Variants in TTC13 observed in about 807,000 individuals in gnomAD.
TTC13 encodes tetratricopeptide repeat domain 13, also known as tetratricopeptide repeat protein 13.
In TTC13, 62 loss-of-function variants were observed where a neutral mutation model predicts 120.0. That is an observed-to-expected ratio of 0.52 (90% confidence interval 0.42 to 0.64). The LOEUF is 0.64. Ranked by LOEUF, TTC13 falls within the 30% of genes least tolerant of loss-of-function variation. TTC13 has a pLI of 0.00. For missense variants in TTC13, 824 were observed against 1,050.2 expected, an observed-to-expected ratio of 0.78 and a Z score of 2.98; for synonymous variants, 384 against 393.5, an observed-to-expected ratio of 0.98 and a Z score of 0.28.
chr1:230,919,880 T>A (rs1192084372), intron 17 of TTC13, among the ~76,000 whole-genome samples: 4 of 152,204 alleles, frequency 2.6e-5, no homozygotes, highest in Admixed American at 6.5e-5. Context: ...CAGTAGCCAC[T>A]CTCTGCTGAG....
At chr1:230,977,045 A>C (rs2103024688) in intron 1 of TTC13, among the ~76,000 whole-genome samples, 1 of 152,294 alleles carries the variant, frequency 6.6e-6, no homozygotes, top group Non-Finnish European at 1.5e-5. Flanking sequence ...GTTAGGACAA[A>C]GGCTTTGTCT....
At chr1:230,956,150 T>C (rs1210097980) in intron 3 of TTC13, among the ~76,000 whole-genome samples, 1 of 152,254 alleles carries the variant, frequency 6.6e-6, no homozygotes, top group Non-Finnish European at 1.5e-5. Context: ...GTGGTTAAAC[T>C]AGCTGTCCAA....
At chr1:230,958,196 C>T in intron 3 of TTC13, 28 bp downstream of exon 3, 1 of 1,604,846 alleles carries the variant, frequency 6.2e-7, no homozygotes, top group Admixed American at 1.7e-5. Context: ...GCAAATATTA[C>T]AGGAATATTA....
At chr1:230,977,971 G>C (rs1257860603) in intron 1 of TTC13, among the ~76,000 whole-genome samples, 2 of 152,262 alleles carry the variant, frequency 1.3e-5, no homozygotes, top group African/African-American at 4.8e-5. Flanking sequence ...ATCGCAGGTT[G>C]ATCTTAAACA....
At chr1:230,917,242 A>T (rs2102767097) in intron 17 of TTC13, among the ~76,000 whole-genome samples, 1 of 152,352 alleles carries the variant, frequency 6.6e-6, no homozygotes, top group East Asian at 1.9e-4. Flanking sequence ...GCCAATTCTC[A>T]TCTAATCCTC....
In TTC13 at chr1:230,923,891, C is replaced by T; in HGVS notation, c.1764G>A (p.Met588Ile). Residue 588 changes from methionine to isoleucine, a missense_variant, in exon 15 of 23, where the codon ATG becomes ATA. Transcript: ENST00000366661. ...AACCTCTGCTAAGACTTCGTGCTGGCATTTGATCTAACCACAGCACGGGCT... is the reference window on the plus strand; with the variant it reads ...AACCTCTGCTAAGACTTCGTGCTGGTATTTGATCTAACCACAGCACGGGCT... The part of the protein sequence containing the change: ...PDQPVLWLDQ[M>I]PARSLSRGFN... 6.2e-7 allele frequency: 1 copy of T among 1,614,046 alleles called. No individual in the cohort carries two copies. Among genetic ancestry groups the T allele is most frequent in the Non-Finnish European group, 8.5e-7 (1 of 1,179,920 alleles).
intron 3 of TTC13, 79 bp downstream of exon 3, chr1:230,958,145 C>G (rs1676278310): frequency 6.8e-7 from 1 of 1,463,640 alleles, no homozygotes; most frequent in African/African-American, 1.4e-5. Context: ...CTACTCCTTA[C>G]CATCCTGTCT....
chr1:230,929,580 C>G (rs1389618681), intron 11 of TTC13, among the ~76,000 whole-genome samples: 2 of 152,188 alleles, frequency 1.3e-5, no homozygotes, highest in Non-Finnish European at 2.9e-5. Flanking sequence ...TCCCAAAGTG[C>G]TGGGATTACA....
At chr1:230,962,315 T>C (rs1022373313) in intron 1 of TTC13, among the ~76,000 whole-genome samples, 4 of 152,108 alleles carry the variant, frequency 2.6e-5, no homozygotes, top group South Asian at 4.1e-4. Context: ...GCAAAGGACC[T>C]GTATAGGCAT....
intron 15 of TTC13, among the ~76,000 whole-genome samples, chr1:230,923,023 T>G (rs1049207080): frequency 6.6e-6 from 1 of 152,176 alleles, no homozygotes; most frequent in Non-Finnish European, 1.5e-5. Flanking sequence ...ATTAAAAAAA[T>G]AAATATACAT....
chr1:230,908,252 A>G (rs1367513320), intron 22 of TTC13, among the ~76,000 whole-genome samples: 1 of 152,216 alleles, frequency 6.6e-6, no homozygotes, highest in African/African-American at 2.4e-5. Context: ...CAGTGGTGCA[A>G]CCATAGCTCA....
intron 2 of TTC13, 65 bp from the exon 3 acceptor site, chr1:230,958,364 A>C (rs1676302675): frequency 6.5e-7 from 1 of 1,529,580 alleles, no homozygotes; most frequent in East Asian, 2.3e-5. Context: ...ACTTGTATTA[A>C]AATCTGTATT....
rs917528301 is a variant in TTC13, at chr1:230,917,643, A to G, written c.1984-1341T>C. Among the ~76,000 whole-genome samples the G allele has an allele frequency of 5.9e-5, 9 of 152,178 alleles. 1 individual carries two copies. Among genetic ancestry groups the G allele is most frequent in the Admixed American group, 5.2e-4 (8 of 15,278 alleles). On this transcript the variant is annotated intron_variant, in intron 17 of 22. Transcript: ENST00000366661. ...GAATGTCATCCCACCGCAGAGAACA[A>G]ACATCTTACATCTTTCAGACAACAG...
chr1:230,933,004 G>A (rs769679706), intron 9 of TTC13, among the ~76,000 whole-genome samples: 3 of 151,796 alleles, frequency 2.0e-5, no homozygotes, highest in South Asian at 2.1e-4. Context: ...ATAGAGTCTC[G>A]CTCTGTCGCC....
intron 5 of TTC13, 43 bp downstream of exon 5, chr1:230,945,346 G>T: frequency 6.4e-7 from 1 of 1,558,072 alleles, no homozygotes; most frequent in African/African-American, 1.4e-5. Flanking sequence ...GTCTGTGTCA[G>T]GTCATGTAGG....
At chr1:230,922,042 G>A (rs1159160712) in intron 15 of TTC13, among the ~76,000 whole-genome samples, 1 of 152,240 alleles carries the variant, frequency 6.6e-6, no homozygotes, top group Middle Eastern at 3.4e-3. Flanking sequence ...ACTGCTCCCA[G>A]GACATCGCTC....
At chr1:230,947,067 T>G (rs6677206) in intron 4 of TTC13, among the ~76,000 whole-genome samples, 103,410 of 151,776 alleles carry the variant, frequency 0.68, 35,322 homozygotes, top group Admixed American at 0.72. Context: ...CCTGTTAATT[T>G]TTTAAAACAG....
intron 13 of TTC13, 70 bp from the exon 14 acceptor site, chr1:230,925,043 T>C: frequency 6.3e-7 from 1 of 1,581,508 alleles, no homozygotes; most frequent in South Asian, 1.1e-5. Context: ...CTTTACAGAG[T>C]CTCAGTGATA....
At chr1:230,910,082 T>A (rs1052662477) in intron 20 of TTC13, among the ~76,000 whole-genome samples, 1 of 152,034 alleles carries the variant, frequency 6.6e-6, no homozygotes, top group Non-Finnish European at 1.5e-5. Flanking sequence ...AGATAATGCA[T>A]CCTAGCAGGT....
Sources: gnomAD v4.1 joint callset for allele counts (sites outside exome capture counted in the v4.1 genomes callset) on GRCh38, gnomAD v4.1.1 for gene constraint, MANE v1.5 for transcripts, NCBI Gene and HGNC (gene_info 2026-07-23, HGNC 2026-07-21) for gene names.